The following PAX1 variants were observed in gnomAD, a reference collection of about 807,000 sequenced individuals.
PAX1 encodes the protein paired box protein Pax-1.
PAX1 carries 18 observed loss-of-function variants against 35.6 expected under a neutral mutation model. The ratio of observed to expected loss-of-function variants is 0.50; its 90% CI spans 0.35 to 0.75. The LOEUF (loss-of-function observed/expected upper bound fraction) is 0.75. PAX1 is among the 30% of genes least tolerant of loss of function. The probability of loss-of-function intolerance (pLI) is 0.01; values close to 1 mark genes in which losing one functional copy is unlikely to be tolerated. For synonymous variants in PAX1, 397 were observed against 305.2 expected, an observed-to-expected ratio of 1.30 and a Z score of -3.14; for missense variants, 760 against 661.5, an observed-to-expected ratio of 1.15 and a Z score of -1.63.
Position 21,714,456 on chromosome 20 carries a change from T to G in PAX1, c.1283-15T>G. On this transcript the variant is annotated splice_polypyrimidine_tract_variant and intron_variant, in intron 4 of 4. Transcript: ENST00000613128. ...GCTAGGTAGTGATCCGACGCCTCTG[T>G]GCTTCCTCCCGCAGTGGCTGACAGG... is the stretch of plus-strand genomic sequence containing the variant. 6.4e-7 allele frequency: 1 copy of G among 1,551,372 alleles called. No individual in the cohort carries two copies. The highest frequency in any genetic ancestry group is 8.7e-7 in the Non-Finnish European group (1 of 1,149,250).
At chr20:21,708,872 G>C (rs1985103370) in intron 3 of PAX1, among the ~76,000 whole-genome samples, 172 bp downstream of exon 3, 1 of 152,124 alleles carries the variant, frequency 6.6e-6, no homozygotes, top group African/African-American at 2.4e-5. Flanking sequence ...TACTAGTTTG[G>C]GAGAGTCTGA....
chr20:21,710,096 T>TG (rs1261650256), intron 4 of PAX1, among the ~76,000 whole-genome samples: 44 of 4,972 alleles, frequency 8.8e-3, no homozygotes, highest in East Asian at 0.03. Flanking sequence ...GGTGGGCGGG[T>TG]GGGGGGGTTC....
At chr20:21,707,944 C>T (rs1346475096) in intron 2 of PAX1, among the ~76,000 whole-genome samples, 1 of 152,154 alleles carries the variant, frequency 6.6e-6, no homozygotes, top group Admixed American at 6.5e-5. Flanking sequence ...GTGGCTCTAA[C>T]CCAGCCTAAG....
At chr20:21,708,361 G>C (rs1158663196) in intron 2 of PAX1, 197 bp from the exon 3 acceptor site, 1 of 737,810 alleles carries the variant, frequency 1.4e-6, no homozygotes, top group Non-Finnish European at 2.5e-6. Context: ...CCGGGCAGCA[G>C]GCCTGGCTGC....
rs552831589 is a variant in PAX1 at position 21,705,818 on chromosome 20, C to T, written c.106C>T (p.Arg36Cys). The stretch of plus-strand genomic sequence containing the variant: ...AGCGGGCGGCAGCGCGCTCCGCTGC[C>T]GCGCACAGCGCGTCTCCAGCCCGCG... ...PGAGGSALRC[R>C]AQRVSSPRLG... Residue 36 changes from arginine (R) to cysteine (C), a missense_variant, in exon 1 of 5, where the codon CGC becomes TGC. Arg to Cys is a radical substitution (Grantham distance 180). Around this residue, in one of 3 missense-constraint regions of PAX1, gnomAD observed 222 missense variants for 153.0 expected, o/e 1.45. Transcript: ENST00000613128. The T allele has an allele frequency of 7.6e-7, 1 of 1,317,592 alleles. No individual in the cohort carries two copies. Among genetic ancestry groups the T allele is most frequent in the Non-Finnish European group, 9.7e-7 (1 of 1,032,020 alleles). The allele number at this position is 1,317,592 out of a possible 1,614,324, so 81.6% of individuals were successfully genotyped here.
At chr20:21,714,282 G>A (rs191767226) in intron 4 of PAX1, among the ~76,000 whole-genome samples, 189 bp from the exon 5 acceptor site, 68 of 152,316 alleles carry the variant, frequency 4.5e-4, no homozygotes, top group African/African-American at 1.6e-3. Context: ...CTCTCCTAGC[G>A]GGAGAGGAAG....
At position 21,717,330 on chromosome 20, in the gene PAX1, T is replaced by C. The variant is rs1464401121; in HGVS notation, c.*2768T>C. 6.6e-6 allele frequency: 1 copy of C among 152,318 alleles called. No individual in the cohort carries two copies. The highest frequency in any genetic ancestry group is 1.5e-5 in the Non-Finnish European group (1 of 68,122). The allele number at this position is 152,318 out of a possible 1,614,324, so 9.4% of individuals were successfully genotyped here. On this transcript the variant is annotated 3_prime_UTR_variant, in exon 5 of 5. Transcript: ENST00000613128. ...GCTTAAATCTCTGCTCCACTGTATGTGTCAGGGGACTGGGACCTCTTGGAA... is the reference window on the plus strand; with the variant it reads ...GCTTAAATCTCTGCTCCACTGTATGCGTCAGGGGACTGGGACCTCTTGGAA...
rs369969819 is a variant in PAX1, at chr20:21,705,687, C to G, written c.-26C>G. On this transcript the variant is annotated 5_prime_UTR_variant, in exon 1 of 5. Transcript: ENST00000613128. ...TTGATTCCCGCACGCTGCAGCCTCC[C>G]GGTCAGACGAATTTCTCCCAATCGG... 68 of 1,235,486 alleles carry G rather than the reference C, an allele frequency of 5.5e-5. No homozygotes were observed. In the African/African-American group the frequency reaches 8.3e-4, roughly 15 times the overall value. 76.5% of individuals were successfully genotyped at this position (1,235,486 alleles called of 1,614,324 possible).
rs1338071113 is a variant in PAX1, at chr20:21,716,769, C to A, written c.*2207C>A. 5 of 152,088 alleles carry A rather than the reference C, an allele frequency of 3.3e-5. No individual in the cohort carries two copies. The highest frequency in any genetic ancestry group is 1.2e-4 in the African/African-American group (5 of 41,384). 9.4% of individuals were successfully genotyped at this position (152,088 alleles called of 1,614,324 possible). A position where few individuals can be genotyped will look rare whatever the true frequency, so the allele number is the denominator to read the frequency against. On this transcript the variant is annotated 3_prime_UTR_variant, in exon 5 of 5. Coordinates refer to ENST00000613128, the MANE Select transcript of PAX1 (RefSeq NM_001257096.2). Reference sequence around the variant, plus strand: ...AAAAGTATGACAGAGAAGCATGTTCCCAAGTCCCCCATCCTCTCAGCCTGT... The same window carrying A: ...AAAAGTATGACAGAGAAGCATGTTCACAAGTCCCCCATCCTCTCAGCCTGT...
At chr20:21,714,073 G>C (rs1006102293) in intron 4 of PAX1, among the ~76,000 whole-genome samples, 1 of 152,246 alleles carries the variant, frequency 6.6e-6, no homozygotes, top group Non-Finnish European at 1.5e-5. Context: ...GAGGGTCCGC[G>C]CAACGTTAGA....
chr20:21,708,198 A>G (rs1985076894), intron 2 of PAX1: 2 of 417,630 alleles, frequency 4.8e-6, no homozygotes, highest in Non-Finnish European at 9.0e-6. Flanking sequence ...TTGAGAAATC[A>G]ATACAATTTT....
At chr20:21,707,604 T>G (rs1024219394) in intron 2 of PAX1, among the ~76,000 whole-genome samples, 3 of 152,144 alleles carry the variant, frequency 2.0e-5, no homozygotes, top group African/African-American at 7.2e-5. Flanking sequence ...TTCACAAGGA[T>G]TTGTCATTTA....
chr20:21,714,927 C>G lies in PAX1; in HGVS notation c.*365C>G, dbSNP rs1490293734. ...CGCCTCTCTCCCTGTTTCCTTCCCC[C>G]CTCTTTCTTTCTCACTCTCCCTCCC... On this transcript the variant is annotated 3_prime_UTR_variant, in exon 5 of 5. Transcript: ENST00000613128. 1.4e-5 allele frequency: 11 copies of G among 812,106 alleles called. No homozygotes were observed. The highest frequency in any genetic ancestry group is 2.1e-5 in the Non-Finnish European group (10 of 485,250). 50.3% of individuals were successfully genotyped at this position (812,106 alleles called of 1,614,324 possible). A position where few individuals can be genotyped will look rare whatever the true frequency, so the allele number is the denominator to read the frequency against.
At chr20:21,708,512 G>A in intron 2 of PAX1, 46 bp from the exon 3 acceptor site, 1 of 1,610,954 alleles carries the variant, frequency 6.2e-7, no homozygotes, top group Non-Finnish European at 8.5e-7. Flanking sequence ...CGTGTGCCCA[G>A]GGCAGATTCG....
In PAX1 at chr20:21,705,769, A is replaced by C; in HGVS notation, c.57A>C (p.Ala19=). 1 of 1,263,068 alleles carries C rather than the reference A, an allele frequency of 7.9e-7. No individual in the cohort carries two copies. Among genetic ancestry groups the C allele is most frequent in the Non-Finnish European group, 1.0e-6 (1 of 1,003,460 alleles). The allele number at this position is 1,263,068 out of a possible 1,614,324, so 78.2% of individuals were successfully genotyped here. A position where few individuals can be genotyped will look rare whatever the true frequency, so the allele number is the denominator to read the frequency against. The change falls in exon 1 of 5, where the codon GCA becomes GCC. Residue 19 remains alanine, a synonymous_variant. Transcript: ENST00000613128. ...CGTGGAGAGTGTCCTGGGAGGGGGC[A>C]GCAGCGGCGGCGGCAGGCCCTGGAG... The part of the protein sequence containing the change: ...SRAWRVSWEG[A]AAAAAGPGAG...
chr20:21,707,120 G>T, intron 2 of PAX1, 53 bp downstream of exon 2: 2 of 1,608,754 alleles, frequency 1.2e-6, no homozygotes, highest in Non-Finnish European at 1.7e-6. Context: ...ACCTGGGGCG[G>T]GCAGGCTTGC....
Position 21,709,404 on chromosome 20 carries a change from A to G in PAX1, c.1242A>G (p.Glu414=), listed in dbSNP as rs1428444510. ...CCGGCGTAGCTGTGCATGGCGGGGAACTCGCGGCAGCAATGACCTTCAAGC... is the reference window on the plus strand; with the variant it reads ...CCGGCGTAGCTGTGCATGGCGGGGAGCTCGCGGCAGCAATGACCTTCAAGC... The part of the protein sequence containing the change: ...PGAGVAVHGG[E]LAAAMTFKHP... Residue 414 remains glutamate, a synonymous_variant, in exon 4 of 5, where the codon GAA becomes GAG. Transcript: ENST00000613128. 2 of 1,546,824 alleles carry G rather than the reference A, an allele frequency of 1.3e-6. No homozygotes were observed. The highest frequency in any genetic ancestry group is 3.9e-5 in the Admixed American group (2 of 50,906).
At chr20:21,712,928 C>G (rs560761298) in intron 4 of PAX1, among the ~76,000 whole-genome samples, 2 of 152,302 alleles carry the variant, frequency 1.3e-5, no homozygotes, top group Admixed American at 1.3e-4. Flanking sequence ...TTCTTAGCCC[C>G]TGAATTAAAT....
At chr20:21,709,713 C>T (rs1055978717) in intron 4 of PAX1, among the ~76,000 whole-genome samples, 4 of 152,114 alleles carry the variant, frequency 2.6e-5, no homozygotes, top group South Asian at 4.1e-4. Context: ...GGAGGTCCTT[C>T]TGGCACACAG....
Sources: gnomAD v4.1 joint callset for allele counts (sites outside exome capture counted in the v4.1 genomes callset) on GRCh38, gnomAD v4.1.1 for gene constraint, gnomAD v4.1.1 regional missense constraint, MANE v1.5 for transcripts, NCBI Gene and HGNC (gene_info 2026-07-23, HGNC 2026-07-21) for gene names.